The following CADPS variants were observed in gnomAD, a reference collection of about 807,000 sequenced individuals.
CADPS encodes the protein calcium-dependent secretion activator 1.
In CADPS, 57 loss-of-function variants were observed where a neutral mutation model predicts 167.3. That is an observed-to-expected ratio of 0.34 (90% CI 0.28 to 0.42). CADPS has a LOEUF of 0.42. CADPS is among the 20% of genes least tolerant of loss of function. The pLI, the probability that CADPS is intolerant of heterozygous loss-of-function variation, is 1.00. For missense variants in CADPS, 1,414 were observed against 1,738.1 expected, an observed-to-expected ratio of 0.81 and a Z score of 3.32; for synonymous variants, 676 against 635.3, an observed-to-expected ratio of 1.06 and a Z score of -0.96.
intron 17 of CADPS, among the ~76,000 whole-genome samples, chr3:62,501,703 A>G (rs889833915): frequency 8.5e-5 from 13 of 152,356 alleles, no homozygotes; most frequent in Admixed American, 2.0e-4. Context: ...ATGACATAGG[A>G]TAAATAAATA....
intron 2 of CADPS, among the ~76,000 whole-genome samples, chr3:62,760,171 C>T (rs1296117841): frequency 1.3e-5 from 2 of 152,066 alleles, no homozygotes; most frequent in Admixed American, 6.6e-5. Context: ...CATATGGACA[C>T]CATACCACCA....
chr3:62,547,694 A>G (rs778050743), intron 11 of CADPS, among the ~76,000 whole-genome samples: 3 of 146,188 alleles, frequency 2.1e-5, no homozygotes, highest in Non-Finnish European at 3.0e-5. Context: ...AGCTGTGTGT[A>G]TTCAATTGAG....
At chr3:62,500,818 G>T (rs531389882) in intron 17 of CADPS, among the ~76,000 whole-genome samples, 1 of 152,080 alleles carries the variant, frequency 6.6e-6, no homozygotes, top group Non-Finnish European at 1.5e-5. Context: ...CAAAAAAAAA[G>T]GTTCTTAATA....
intron 10 of CADPS, among the ~76,000 whole-genome samples, chr3:62,555,867 A>C (rs2078057817): frequency 6.6e-6 from 1 of 151,964 alleles, no homozygotes. Context: ...TAGCCTCCCT[A>C]GTAGCCTCCC....
Position 62,544,892 on chromosome 3 carries a change from A to T in CADPS, c.1966+5011T>A, listed in dbSNP as rs2076215709. 1 of 1,223,494 alleles carries T rather than the reference A, an allele frequency of 8.2e-7. No homozygotes were observed. The allele number at this position is 1,223,494 out of a possible 1,614,324, so 75.8% of individuals were successfully genotyped here. A position where few individuals can be genotyped will look rare whatever the true frequency, so the allele number is the denominator to read the frequency against. ...TTAGCAGGGTAAGAAGGAACAAACC[A>T]GAATAACATAAAGACTAGCAACAAG... On this transcript the variant is annotated intron_variant, in intron 11 of 29. Transcript: ENST00000383710. The surrounding 1 kb of genome is among the most constrained non-coding windows in gnomAD (Gnocchi z 4.4).
rs145725519 is a variant in CADPS, at chr3:62,444,437, C to T, written c.3669+1328G>A. ...AGCAAACCCATGACTTAGGTATTATCGTCATCTCCATTTTAAAGATGGAGA... is the reference window on the plus strand; with the variant it reads ...AGCAAACCCATGACTTAGGTATTATTGTCATCTCCATTTTAAAGATGGAGA... On this transcript the variant is annotated intron_variant, in intron 27 of 29. Transcript: ENST00000383710. Among the ~76,000 whole-genome samples the T allele has an allele frequency of 1.4e-3, 217 of 152,250 alleles. 2 individuals carry two copies. The highest frequency in any genetic ancestry group is 9.8e-3 in the East Asian group (51 of 5,184).
chr3:62,596,594 G>A (rs994944739), intron 6 of CADPS, among the ~76,000 whole-genome samples: 1 of 152,102 alleles, frequency 6.6e-6, no homozygotes, highest in Non-Finnish European at 1.5e-5. Flanking sequence ...TTTTGTATGT[G>A]TTGGAAACAT....
intron 25 of CADPS, among the ~76,000 whole-genome samples, 173 bp downstream of exon 25, chr3:62,466,166 G>A (rs2059910965): frequency 6.6e-6 from 1 of 151,948 alleles, no homozygotes; most frequent in Admixed American, 6.6e-5. Context: ...ATCTTCACAC[G>A]GCTCGAGATC....
chr3:62,405,461 A>AAT (rs1553695757), intron 28 of CADPS, among the ~76,000 whole-genome samples: 5 of 88,908 alleles, frequency 5.6e-5, no homozygotes, highest in South Asian at 5.0e-4. Flanking sequence ...AAAAAAAAAA[A>AAT]AAATAAAATA....
At chr3:62,682,484 T>C (rs1413660381) in intron 3 of CADPS, among the ~76,000 whole-genome samples, 1 of 152,100 alleles carries the variant, frequency 6.6e-6, no homozygotes, top group Non-Finnish European at 1.5e-5. Flanking sequence ...TCAGAAATCA[T>C]CTGTGAAATC....
intron 1 of CADPS, among the ~76,000 whole-genome samples, chr3:62,789,402 G>A (rs2092741442): frequency 1.3e-5 from 2 of 152,172 alleles, no homozygotes. Context: ...ACCCCAAAAG[G>A]GGAGTAGGAG....
rs550379160 is a variant in CADPS, at chr3:62,870,643, CT to C, written c.441+3945del. On this transcript the variant is annotated intron_variant, in intron 1 of 29. Transcript: ENST00000383710. ...GTAATAGACAGTTTTAAGGATTACC[CT>C]TTTCCCCCATCATGCACAGACACAC... Among the ~76,000 whole-genome samples, 208 of 152,230 alleles carry C rather than the reference CT, an allele frequency of 1.4e-3. 4 individuals carry two copies. Among genetic ancestry groups the C allele is most frequent in the Admixed American group, 0.013 (198 of 15,278 alleles).
intron 28 of CADPS, among the ~76,000 whole-genome samples, chr3:62,405,747 T>C (rs977305195): frequency 6.6e-6 from 1 of 152,152 alleles, no homozygotes; most frequent in African/African-American, 2.4e-5. Flanking sequence ...AAATGTATGA[T>C]GCCCCATTGG....
intron 28 of CADPS, among the ~76,000 whole-genome samples, chr3:62,434,553 G>C (rs1297788511): frequency 6.6e-6 from 1 of 152,098 alleles, no homozygotes; most frequent in African/African-American, 2.4e-5. Context: ...AAAAAAATCG[G>C]TGAGGATGAA....
intron 17 of CADPS, among the ~76,000 whole-genome samples, chr3:62,512,101 T>C (rs577940728): frequency 1.3e-5 from 2 of 152,278 alleles, no homozygotes; most frequent in East Asian, 3.9e-4. Context: ...GACAACCCTT[T>C]AGACTACAAA....
intron 1 of CADPS, among the ~76,000 whole-genome samples, chr3:62,795,774 C>T (rs2093362206): frequency 6.6e-6 from 1 of 152,152 alleles, no homozygotes; most frequent in Non-Finnish European, 1.5e-5. Context: ...GTATTATGGA[C>T]CACAGAAGGG....
chr3:62,478,401 G>A lies in CADPS; in HGVS notation c.3189C>T (p.Thr1063=). The A allele has an allele frequency of 6.2e-7, 1 of 1,613,700 alleles. No homozygotes were observed. Among genetic ancestry groups the A allele is most frequent in the Non-Finnish European group, 8.5e-7 (1 of 1,179,758 alleles). The change falls in exon 23 of 30, where the codon ACC becomes ACT. Residue 1063 remains threonine (T), a synonymous_variant. Coordinates refer to ENST00000383710, the MANE Select transcript of CADPS (RefSeq NM_003716.4). The surrounding 1 kb of genome is among the most constrained non-coding windows in gnomAD (Gnocchi z 5.7). ...AIYDADNGSG[T]SEDLFWKLDA... ...CAAGTTTCCAAAACAGATCTTCTGAGGTGCCTGACCCATTACTGGCAGGAC... is the reference window on the plus strand; with the variant it reads ...CAAGTTTCCAAAACAGATCTTCTGAAGTGCCTGACCCATTACTGGCAGGAC...
intron 28 of CADPS, among the ~76,000 whole-genome samples, chr3:62,416,203 T>C (rs1293285221): frequency 6.6e-6 from 1 of 152,196 alleles, no homozygotes; most frequent in Admixed American, 6.5e-5. Context: ...TTGAGAAGTC[T>C]TTAAAACTGA....
chr3:62,702,278 T>C lies in CADPS; in HGVS notation c.889-39884A>G, dbSNP rs115661485. Among the ~76,000 whole-genome samples, 648 of 152,232 alleles carry C rather than the reference T, an allele frequency of 4.3e-3. 11 individuals carry two copies. Among genetic ancestry groups the C allele is most frequent in the African/African-American group, 0.014 (596 of 41,510 alleles). On this transcript the variant is annotated intron_variant, in intron 3 of 29. Coordinates refer to ENST00000383710, the MANE Select transcript of CADPS (RefSeq NM_003716.4). ...CAGATTCATTGATGCATGCAAACATTTGAATGCTTATTATAAGCCAAAGAT... is the reference window on the plus strand; with the variant it reads ...CAGATTCATTGATGCATGCAAACATCTGAATGCTTATTATAAGCCAAAGAT...
Sources: gnomAD v4.1 joint callset for allele counts (sites outside exome capture counted in the v4.1 genomes callset) on GRCh38, gnomAD v4.1.1 for gene constraint, Gnocchi (gnomAD v3.1) non-coding constraint, MANE v1.5 for transcripts, NCBI Gene and HGNC (gene_info 2026-07-23, HGNC 2026-07-21) for gene names.